TOM1: variants seen among roughly 807,000 people sequenced by gnomAD.
The protein encoded by TOM1 is target of myb1 membrane trafficking protein, also known as target of Myb protein 1.
Under a neutral mutation model 61.3 loss-of-function variants are expected in TOM1, and 38 were observed. The observed-to-expected ratio is 0.62, with a 90% CI of 0.48 to 0.81. The LOEUF (loss-of-function observed/expected upper bound fraction) is 0.81, where lower values mean the gene tolerates loss of function less well. Ranked by LOEUF, TOM1 falls within the 40% of genes least tolerant of loss-of-function variation. The pLI, the probability that TOM1 is intolerant of heterozygous loss-of-function variation, is 0.00. For missense variants in TOM1, 591 were observed against 659.6 expected (o/e 0.90, Z 1.14); for synonymous variants, 270 against 268.8 (o/e 1.00, Z -0.04).
At chr22:35,333,332 C>A in intron 9 of TOM1, 72 bp from the exon 10 acceptor site, 1 of 1,417,686 alleles carries the variant, frequency 7.1e-7, no homozygotes, top group Non-Finnish European at 9.9e-7. Flanking sequence ...GCCTGCAAGC[C>A]ACAGTGCTTG....
Position 35,323,559 on chromosome 22 carries a change from C to T in TOM1, c.430C>T (p.Leu144=). 2 of 1,614,126 alleles carry T rather than the reference C, an allele frequency of 1.2e-6. No individual in the cohort carries two copies. Among genetic ancestry groups the T allele is most frequent in the Non-Finnish European group, 1.7e-6 (2 of 1,180,034 alleles). The change falls in exon 5 of 15, where the codon CTG becomes TTG. Residue 144 remains leucine, a synonymous_variant. Transcript: ENST00000449058. The surrounding 1 kb of genome is among the most constrained non-coding windows in gnomAD (Gnocchi z 4.2). ...AGGTGTGGTCACCATCTATGAGGAC[C>T]TGCGGAGGAAAGGCCTGGAGTTCCC... ...LTGVVTIYED[L]RRKGLEFPMT...
rs138748 is a variant in TOM1 at position 35,304,526 on chromosome 22, G to A, written c.52+4546G>A. 1.1e-4 allele frequency among the ~76,000 whole-genome samples: 17 copies of A among 152,020 alleles called. No individual in the cohort carries two copies. The South Asian group carries it at 3.3e-3, about 30-fold the overall frequency. ...CAGAGTCTCACTCTGTCGCCCAGGC[G>A]GGAGTGCAGTGGCGCGATCTCGGCT... On this transcript the variant is annotated intron_variant, in intron 1 of 14. Coordinates refer to ENST00000449058, the MANE Select transcript of TOM1 (RefSeq NM_005488.3).
chr22:35,331,762 C>T (rs1277189965), intron 8 of TOM1, among the ~76,000 whole-genome samples: 1 of 152,114 alleles, frequency 6.6e-6, no homozygotes, highest in Admixed American at 6.6e-5. Context: ...TGGTGGGTGC[C>T]TGTAATCCCA....
chr22:35,318,058 T>C (rs1336692742), intron 2 of TOM1, 97 bp downstream of exon 2: 5 of 1,118,340 alleles, frequency 4.5e-6, no homozygotes, highest in Admixed American at 1.7e-5. Flanking sequence ...CCCAGCCCCA[T>C]TGCTGCCATA....
At position 35,332,976 on chromosome 22, in the gene TOM1, T is replaced by C. The variant is rs368762469; in HGVS notation, c.900-5T>C. 2.2e-5 allele frequency: 36 copies of C among 1,614,074 alleles called. No homozygotes were observed. The highest frequency in any genetic ancestry group is 3.0e-5 in the Non-Finnish European group (35 of 1,180,012). ...TCCATAACTCGTGTCTTTTCTGTCTTGTAGGTTTGAACGGTTCCGAACAGG... is the reference window on the plus strand; with the variant it reads ...TCCATAACTCGTGTCTTTTCTGTCTCGTAGGTTTGAACGGTTCCGAACAGG... On this transcript the variant is annotated splice_region_variant and splice_polypyrimidine_tract_variant and intron_variant, in intron 8 of 14. Coordinates refer to ENST00000449058, the MANE Select transcript of TOM1 (RefSeq NM_005488.3).
At chr22:35,333,540 T>C in intron 10 of TOM1, 43 bp downstream of exon 10, 1 of 1,577,782 alleles carries the variant, frequency 6.3e-7, no homozygotes, top group Non-Finnish European at 8.7e-7. Context: ...TACATTATGG[T>C]ACTGTGGGCA....
intron 1 of TOM1, among the ~76,000 whole-genome samples, chr22:35,317,352 G>C (rs1927382191): frequency 6.6e-6 from 1 of 152,088 alleles, no homozygotes; most frequent in Non-Finnish European, 1.5e-5. Flanking sequence ...ACCATGCCCA[G>C]CTACTTTTTT....
intron 12 of TOM1, among the ~76,000 whole-genome samples, chr22:35,343,594 AC>A (rs540986716): frequency 9.3e-4 from 106 of 114,028 alleles, no homozygotes; most frequent in Admixed American, 8.0e-3. Flanking sequence ...ACCTACACAC[AC>A]CCCTACACAC....
At chr22:35,337,172 G>A (rs568264308) in intron 11 of TOM1, among the ~76,000 whole-genome samples, 8 of 152,234 alleles carry the variant, frequency 5.3e-5, no homozygotes, top group East Asian at 1.9e-4. Flanking sequence ...TCCTGACCTC[G>A]TGATCCGCGC....
intron 1 of TOM1, among the ~76,000 whole-genome samples, chr22:35,316,508 T>G (rs1006574352): frequency 2.0e-5 from 3 of 152,204 alleles, no homozygotes; most frequent in Non-Finnish European, 4.4e-5. Context: ...TACCAATTAG[T>G]GCCTCCCACA....
rs1300339166 is a variant in TOM1 at position 35,327,347 on chromosome 22, T to G, written c.725T>G (p.Val242Gly). The G allele has an allele frequency of 1.2e-6, 2 of 1,613,942 alleles. No individual in the cohort carries two copies. Among genetic ancestry groups the G allele is most frequent in the South Asian group, 2.2e-5 (2 of 91,082 alleles). The change falls in exon 7 of 15, where the codon GTG becomes GGG. Residue 242 changes from valine to glycine, a missense_variant. Val to Gly is a moderately radical substitution (Grantham distance 109). Transcript: ENST00000449058. The stretch of plus-strand genomic sequence containing the variant: ...ATGTCGGAGATGCTGACGGAGCTGG[T>G]GCCCACCCAGGCCGAGCCCGCAGAC... Reference protein sequence around the residue: ...RVMSEMLTELVPTQAEPADLE... With the variant: ...RVMSEMLTELGPTQAEPADLE...
chr22:35,303,111 T>G (rs79884643), intron 1 of TOM1, among the ~76,000 whole-genome samples: 11,830 of 143,422 alleles, frequency 0.082, 528 homozygotes, highest in African/African-American at 0.12. Context: ...ATCACAAAGT[T>G]CTCATCCACC....
chr22:35,327,439 C>A, intron 7 of TOM1, 52 bp downstream of exon 7: 1 of 1,266,192 alleles, frequency 7.9e-7, no homozygotes, highest in Non-Finnish European at 1.1e-6. Context: ...GCCCAGCTGC[C>A]CACATGCATT....
At chr22:35,316,807 C>T (rs779377961) in intron 1 of TOM1, among the ~76,000 whole-genome samples, 2 of 152,122 alleles carry the variant, frequency 1.3e-5, no homozygotes, top group African/African-American at 2.4e-5. Context: ...AAAGAACCAC[C>T]ACCACTTGCT....
chr22:35,311,292 T>C (rs1926796831), intron 1 of TOM1, among the ~76,000 whole-genome samples: 1 of 152,156 alleles, frequency 6.6e-6, no homozygotes, highest in Non-Finnish European at 1.5e-5. Context: ...GGAATATTAA[T>C]CACGAATACT....
chr22:35,321,450 G>A (rs538101824), intron 2 of TOM1, among the ~76,000 whole-genome samples: 10 of 152,112 alleles, frequency 6.6e-5, no homozygotes, highest in African/African-American at 2.4e-4. Context: ...CCAGGCTGGA[G>A]TACAGTGGCG....
chr22:35,300,235 G>T (rs1925619129), intron 1 of TOM1, among the ~76,000 whole-genome samples: 1 of 152,266 alleles, frequency 6.6e-6, no homozygotes, highest in African/African-American at 2.4e-5. Context: ...GGATGCCCAC[G>T]GCGCAGCCAA....
upstream of TOM1, chr22:35,299,700 A>G (rs1022459219): frequency 5.2e-6 from 3 of 577,224 alleles, no homozygotes; most frequent in African/African-American, 2.0e-5. Context: ...CAGACCCTAC[A>G]TCGTGTGTGA....
At chr22:35,336,198 G>A (rs1929320355) in intron 11 of TOM1, among the ~76,000 whole-genome samples, 1 of 152,134 alleles carries the variant, frequency 6.6e-6, no homozygotes, top group African/African-American at 2.4e-5. Flanking sequence ...CCAGGGCTTG[G>A]TTTCCACCCT....
Sources: allele counts gnomAD v4.1 joint callset (sites outside exome capture counted in the v4.1 genomes callset), GRCh38; gene constraint gnomAD v4.1.1; non-coding constraint Gnocchi (gnomAD v3.1); transcripts MANE v1.5; gene names NCBI Gene and HGNC (gene_info 2026-07-23, HGNC 2026-07-21).